The following STOX2 variants were observed in gnomAD, a reference collection of about 807,000 sequenced individuals.
STOX2 encodes storkhead-box protein 2.
Under a neutral mutation model 60.9 loss-of-function variants are expected in STOX2, and 28 were observed. That is an observed-to-expected ratio of 0.46 (90% CI 0.34 to 0.63). The LOEUF is 0.63. Ranked by LOEUF, STOX2 falls within the 30% of genes least tolerant of loss-of-function variation. The pLI is 0.01. For missense variants in STOX2, 1,024 were observed against 1,187.7 expected (o/e 0.86, Z 2.03); for synonymous variants, 472 against 463.9 (o/e 1.02, Z -0.22).
At chr4:183,815,527 T>C (rs923567168) in intron 1 of STOX2, among the ~76,000 whole-genome samples, 5 of 152,196 alleles carry the variant, frequency 3.3e-5, no homozygotes, top group Non-Finnish European at 5.9e-5. Context: ...TAAAATAAAT[T>C]GGACAATTAC....
intron 1 of STOX2, among the ~76,000 whole-genome samples, chr4:183,835,723 G>C (rs1404401491): frequency 6.6e-6 from 1 of 152,160 alleles, no homozygotes; most frequent in African/African-American, 2.4e-5. Context: ...GGGATGCAGA[G>C]CTAGTCACAC....
At position 183,821,745 on chromosome 4, in the gene STOX2, G is replaced by A. The variant is rs113581747; in HGVS notation, c.364+23690G>A. 4.1e-4 allele frequency among the ~76,000 whole-genome samples: 63 copies of A among 152,302 alleles called. No homozygotes were observed. Among genetic ancestry groups the A allele is most frequent in the African/African-American group, 1.4e-3 (57 of 41,564 alleles). On this transcript the variant is annotated intron_variant, in intron 1 of 2. Coordinates refer to the STOX2 transcript ENST00000513034. The surrounding 1 kb of genome is among the most constrained non-coding windows in gnomAD (Gnocchi z 4.2). ...CCTAGAGGGGAGGGGAGGGGTCCCT[G>A]CTGCTCCAGCAGCCTCCCCCTCCAC... is the stretch of plus-strand genomic sequence containing the variant.
At chr4:183,831,667 G>A (rs1295316913) in intron 1 of STOX2, among the ~76,000 whole-genome samples, 1 of 152,130 alleles carries the variant, frequency 6.6e-6, no homozygotes, top group Non-Finnish European at 1.5e-5. Flanking sequence ...AATTTAGTCA[G>A]TGATGGATGC....
chr4:183,829,768 T>C (rs17075064), intron 1 of STOX2, among the ~76,000 whole-genome samples: 11,619 of 152,226 alleles, frequency 0.076, 1,474 homozygotes, highest in African/African-American at 0.26. Context: ...ATGCACCTAA[T>C]GGATCCTGAT....
chr4:183,959,083 C>T (rs539913881), intron 1 of STOX2, among the ~76,000 whole-genome samples: 41 of 152,222 alleles, frequency 2.7e-4, no homozygotes, highest in African/African-American at 9.9e-4. Flanking sequence ...TTTGATGTCT[C>T]GGTGTTCTCA....
chr4:183,799,615 A>T (rs919238371), intron 1 of STOX2, among the ~76,000 whole-genome samples: 1 of 152,106 alleles, frequency 6.6e-6, no homozygotes, highest in African/African-American at 2.4e-5. Context: ...AAAAGTATCA[A>T]TGGCATGGCC....
rs148611258 is a variant in STOX2 at position 183,884,651 on chromosome 4, C to T, written c.364+86596C>T. ...TTTACGTTTCTTTAGTGACAGAAGC[C>T]GCGAGCAGGTGTTGAATGAATATCC... is the stretch of plus-strand genomic sequence containing the variant. On this transcript the variant is annotated intron_variant, in intron 1 of 2. Transcript: ENST00000513034. Among the ~76,000 whole-genome samples the T allele has an allele frequency of 5.9e-3, 903 of 152,158 alleles. 7 individuals are homozygous for T. The highest frequency in any genetic ancestry group is 0.019 in the African/African-American group (786 of 41,506).
chr4:183,874,001 C>T (rs577002812), intron 1 of STOX2, among the ~76,000 whole-genome samples: 165 of 152,306 alleles, frequency 1.1e-3, no homozygotes, highest in African/African-American at 3.7e-3. Flanking sequence ...TTCATGAGAC[C>T]TCATCCTTTT....
chr4:183,878,364 G>T (rs1480323036), intron 1 of STOX2, among the ~76,000 whole-genome samples: 1 of 152,124 alleles, frequency 6.6e-6, no homozygotes, highest in Non-Finnish European at 1.5e-5. Flanking sequence ...GGTGTTTTTT[G>T]AAACAGCTAT....
intron 1 of STOX2, among the ~76,000 whole-genome samples, chr4:183,967,475 A>G (rs1363792719): frequency 1.3e-5 from 2 of 151,986 alleles, no homozygotes; most frequent in East Asian, 3.9e-4. Context: ...CAAGAGGAAG[A>G]AAGGGGAACA....
At chr4:183,952,638 C>T (rs529761240) in intron 1 of STOX2, among the ~76,000 whole-genome samples, 1 of 152,326 alleles carries the variant, frequency 6.6e-6, no homozygotes, top group Non-Finnish European at 1.5e-5. Flanking sequence ...GTGGCAGTGA[C>T]TGCCAGAATG....
chr4:183,800,933 G>T (rs139246999), intron 1 of STOX2, among the ~76,000 whole-genome samples: 1 of 152,170 alleles, frequency 6.6e-6, no homozygotes, highest in Non-Finnish European at 1.5e-5. Context: ...GGCAAGCCCC[G>T]GTGCTTTTGT....
chr4:183,864,054 T>C (rs972054228), intron 1 of STOX2, among the ~76,000 whole-genome samples: 43 of 152,160 alleles, frequency 2.8e-4, no homozygotes, highest in African/African-American at 8.4e-4. Context: ...TTAAAGTATG[T>C]GAATGTTATT....
intron 1 of STOX2, among the ~76,000 whole-genome samples, chr4:183,944,531 T>C (rs902332803): frequency 6.6e-6 from 1 of 152,190 alleles, no homozygotes; most frequent in Non-Finnish European, 1.5e-5. Context: ...CTGGCCAACA[T>C]GCTGAAACCC....
chr4:184,014,564 C>T (rs1248517129), intron 3 of STOX2: 1 of 150,432 alleles, frequency 6.6e-6, no homozygotes, highest in Non-Finnish European at 1.5e-5. Flanking sequence ...ACTCCATTAG[C>T]TCTCTTTAAA....
At chr4:183,799,546 G>A (rs1738712408) in intron 1 of STOX2, among the ~76,000 whole-genome samples, 1 of 152,088 alleles carries the variant, frequency 6.6e-6, no homozygotes, top group African/African-American at 2.4e-5. Flanking sequence ...ATATACAAAA[G>A]TAGTATAACT....
intron 1 of STOX2, among the ~76,000 whole-genome samples, chr4:183,866,100 G>T (rs1560853496): frequency 6.6e-6 from 1 of 152,146 alleles, no homozygotes; most frequent in East Asian, 1.9e-4. Context: ...ACGTGCTGAT[G>T]AACAATTGTT....
At chr4:183,891,288 ATGATGGAATATATATATATAT>A (rs1741202324) in intron 1 of STOX2, among the ~76,000 whole-genome samples, 1 of 8,930 alleles carries the variant, frequency 1.1e-4, no homozygotes, top group Admixed American at 1.3e-3. Flanking sequence ...ATGTGTGTAT[ATGATGGAATATATATATATAT>A]CTATGATGGA....
chr4:184,010,991 A>T lies in STOX2; in HGVS notation c.2153A>T (p.Lys718Met). The change falls in exon 3 of 4, where the codon AAG becomes ATG. Residue 718 changes from lysine to methionine, a missense_variant. Transcript: ENST00000308497. This position sits in a 1 kb window ranked among gnomAD's most constrained non-coding sequence, Gnocchi z 4.5. ...HSTLSVNSYH[K>M]SSLSLLKSHP... ...ACCTTGTCTGTAAACAGCTATCACA[A>T]GTCGAGCCTGTCCCTCCTCAAATCT... 1.2e-6 allele frequency: 2 copies of T among 1,613,340 alleles called. No homozygotes were observed. Among genetic ancestry groups the T allele is most frequent in the Non-Finnish European group, 1.7e-6 (2 of 1,179,608 alleles).
Sources: gnomAD v4.1 joint callset for allele counts (sites outside exome capture counted in the v4.1 genomes callset) on GRCh38, gnomAD v4.1.1 for gene constraint, Gnocchi (gnomAD v3.1) non-coding constraint, MANE v1.5 for transcripts, NCBI Gene and HGNC (gene_info 2026-07-23, HGNC 2026-07-21) for gene names.